The following PIK3R3 variants were observed in gnomAD, a reference collection of about 807,000 sequenced individuals.
PIK3R3 encodes the protein phosphoinositide-3-kinase regulatory subunit 3.
Under a neutral mutation model 62.9 loss-of-function variants are expected in PIK3R3, and 64 were observed. The ratio of observed to expected loss-of-function variants is 1.02; its 90% CI spans 0.83 to 1.25. PIK3R3 has a LOEUF of 1.25. Ranked by LOEUF, PIK3R3 falls within the 50% of genes most tolerant of loss-of-function variation. The pLI is 0.00. For missense variants in PIK3R3, 614 were observed against 561.6 expected, an observed-to-expected ratio of 1.09 and a Z score of -0.94; for synonymous variants, 165 against 189.0, an observed-to-expected ratio of 0.87 and a Z score of 1.04.
chr1:46,077,480 G>A, intron 3 of PIK3R3, 35 bp downstream of exon 3: 2 of 1,079,036 alleles, frequency 1.9e-6, no homozygotes, highest in Non-Finnish European at 2.9e-6. Context: ...AATAACATCA[G>A]TAGAGAACTA....
intron 1 of PIK3R3, among the ~76,000 whole-genome samples, chr1:46,118,538 C>A (rs1266891922): frequency 2.6e-5 from 4 of 151,856 alleles, no homozygotes; most frequent in Non-Finnish European, 5.9e-5. Context: ...GCCCCACCAC[C>A]CATACCATTA....
intron 4 of PIK3R3, 26 bp downstream of exon 4, chr1:46,066,885 G>C: frequency 6.4e-7 from 1 of 1,559,802 alleles, no homozygotes; most frequent in Non-Finnish European, 8.8e-7. Context: ...TTGCTCAATA[G>C]CTAGCAAGGA....
the PIK3R3 span, among the ~76,000 whole-genome samples, chr1:46,149,084 C>A: frequency 3.3e-5 from 5 of 152,094 alleles, no homozygotes; most frequent in Non-Finnish European, 7.4e-5. Context: ...ACCTCTGGTC[C>A]CTCACTGCTC....
At chr1:46,104,477 A>G (rs1652998049) in intron 1 of PIK3R3, among the ~76,000 whole-genome samples, 1 of 152,196 alleles carries the variant, frequency 6.6e-6, no homozygotes, top group Admixed American at 6.5e-5. Flanking sequence ...GTTACCATGT[A>G]AATCCTATCA....
chr1:46,149,661 A>T, the PIK3R3 span, among the ~76,000 whole-genome samples: 10 of 151,814 alleles, frequency 6.6e-5, no homozygotes, highest in Admixed American at 5.9e-4. Flanking sequence ...CTCCCAAGTA[A>T]CTGGGACTAC....
intron 6 of PIK3R3, among the ~76,000 whole-genome samples, chr1:46,058,515 AG>A (rs2149387692): frequency 6.6e-6 from 1 of 152,334 alleles, no homozygotes; most frequent in South Asian, 2.1e-4. Flanking sequence ...TACCCTGCAA[AG>A]CCACAGGGGC....
intron 1 of PIK3R3, among the ~76,000 whole-genome samples, chr1:46,090,973 C>A (rs933801417): frequency 6.6e-6 from 1 of 151,916 alleles, no homozygotes; most frequent in Admixed American, 6.6e-5. Context: ...TGCCTGTTTT[C>A]CAAGGTGCAA....
chr1:46,124,488 A>C (rs189561945), intron 1 of PIK3R3, among the ~76,000 whole-genome samples: 146 of 152,290 alleles, frequency 9.6e-4, no homozygotes, highest in African/African-American at 3.3e-3. Flanking sequence ...TCTACATTCT[A>C]AGAAAAATAT....
chr1:46,143,805 A>G, the PIK3R3 span, among the ~76,000 whole-genome samples: 3 of 152,084 alleles, frequency 2.0e-5, no homozygotes, highest in Non-Finnish European at 4.4e-5. Context: ...TATCATTTTT[A>G]TGTGTTGGGA....
At chr1:46,139,728 G>C in the PIK3R3 span, among the ~76,000 whole-genome samples, 1 of 152,062 alleles carries the variant, frequency 6.6e-6, no homozygotes, top group Non-Finnish European at 1.5e-5. Context: ...CTTCTTCCTG[G>C]CATCCTCGAC....
chr1:46,170,189 C>T, the PIK3R3 span, among the ~76,000 whole-genome samples: 1 of 152,078 alleles, frequency 6.6e-6, no homozygotes, highest in African/African-American at 2.4e-5. Context: ...GTCTTACTAA[C>T]CTTTGGAAGG....
intron 8 of PIK3R3, 86 bp downstream of exon 8, chr1:46,046,465 C>A (rs1647118569): frequency 1.1e-6 from 1 of 904,698 alleles, no homozygotes; most frequent in Non-Finnish European, 1.8e-6. Context: ...GTGACAATGA[C>A]AACCAATATT....
upstream of PIK3R3, among the ~76,000 whole-genome samples, chr1:46,133,788 CTGCTCGAG>C (rs1162348139): frequency 6.6e-6 from 1 of 151,396 alleles, no homozygotes; most frequent in Non-Finnish European, 1.5e-5. Flanking sequence ...GCAAGCCCTC[CTGCTCGAG>C]TGCTCAAACC....
At chr1:46,119,754 C>G (rs1309642920) in intron 1 of PIK3R3, among the ~76,000 whole-genome samples, 1 of 150,920 alleles carries the variant, frequency 6.6e-6, no homozygotes, top group African/African-American at 2.4e-5. Context: ...CAGGTATGTG[C>G]CATTGTAACC....
chr1:46,041,370 GAA>G lies in PIK3R3; in HGVS notation c.*2301_*2302del. ...CCCACAAAACAATGAATTCAAGAAT[GAA>G]AAAAAAAATGAAGGAATGTAGGACT... On this transcript the variant is annotated 3_prime_UTR_variant, in exon 10 of 10. Transcript: ENST00000262741. The G allele has an allele frequency of 6.1e-6, 1 of 163,126 alleles. No individual in the cohort carries two copies. Among genetic ancestry groups the G allele is most frequent in the Non-Finnish European group, 1.3e-5 (1 of 75,244 alleles). The allele number at this position is 163,126 out of a possible 1,614,324, so 10.1% of individuals were successfully genotyped here.
At chr1:46,121,024 T>C (rs529546002) in intron 1 of PIK3R3, among the ~76,000 whole-genome samples, 1 of 152,300 alleles carries the variant, frequency 6.6e-6, no homozygotes, top group South Asian at 2.1e-4. Flanking sequence ...ATTTTGCTAC[T>C]AGCCTGAGGA....
At chr1:46,161,803 T>C in the PIK3R3 span, among the ~76,000 whole-genome samples, 1 of 151,876 alleles carries the variant, frequency 6.6e-6, no homozygotes, top group Non-Finnish European at 1.5e-5. Context: ...GCATAAAGAT[T>C]TTCTTCAGGC....
chr1:46,135,968 T>G (rs1275351152), upstream of PIK3R3, among the ~76,000 whole-genome samples: 1 of 143,698 alleles, frequency 7.0e-6, no homozygotes, highest in Non-Finnish European at 1.5e-5. Flanking sequence ...AGGCAGAGGT[T>G]GCAGTGAGCC....
rs760650757 is a variant in PIK3R3, at chr1:46,043,083, T to C, written c.*590A>G. Reference sequence around the variant, plus strand: ...TGAGATGCTGAAGCCTAAATTATGTTGGTAAGAAACAAAATACCTTCAGTT... The same window carrying C: ...TGAGATGCTGAAGCCTAAATTATGTCGGTAAGAAACAAAATACCTTCAGTT... On this transcript the variant is annotated 3_prime_UTR_variant, in exon 10 of 10. Transcript: ENST00000262741. The C allele has an allele frequency of 4.4e-6, 1 of 228,190 alleles. No homozygotes were observed. The highest frequency in any genetic ancestry group is 8.7e-6 in the Non-Finnish European group (1 of 114,726). 14.1% of individuals were successfully genotyped at this position (228,190 alleles called of 1,614,324 possible).
Sources: gnomAD v4.1 joint callset for allele counts (sites outside exome capture counted in the v4.1 genomes callset) on GRCh38, gnomAD v4.1.1 for gene constraint, MANE v1.5 for transcripts, NCBI Gene and HGNC (gene_info 2026-07-23, HGNC 2026-07-21) for gene names.